TESPA1: variants seen among roughly 807,000 people sequenced by gnomAD.
The protein encoded by TESPA1 is protein TESPA1.
A neutral mutation model predicts 57.9 loss-of-function variants in TESPA1; 33 were observed. The ratio of observed to expected loss-of-function variants is 0.57; its 90% confidence interval spans 0.43 to 0.76. The LOEUF (loss-of-function observed/expected upper bound fraction) is 0.76. Among genes scored for constraint, TESPA1 ranks in the 30% least tolerant of loss-of-function variants. TESPA1 has a pLI of 0.00. For missense variants in TESPA1, 618 were observed against 632.9 expected, an observed-to-expected ratio of 0.98 and a Z score of 0.25; for synonymous variants, 227 against 228.9, an observed-to-expected ratio of 0.99 and a Z score of 0.07.
chr12:54,976,666 A>G (rs1952150589), intron 1 of TESPA1, among the ~76,000 whole-genome samples: 1 of 152,144 alleles, frequency 6.6e-6, no homozygotes, highest in African/African-American at 2.4e-5. Flanking sequence ...GTCAGTGAAA[A>G]CATTATAGCC....
In TESPA1 at chr12:54,962,482, T is replaced by C; in HGVS notation, c.1416A>G (p.Glu472=). The change falls in exon 9 of 11, where the codon GAA becomes GAG. Residue 472 remains glutamate (E), a synonymous_variant. Transcript: ENST00000449076. ...GCTGCTGGCTTAAAGACCGACGCAG[T>C]TCTGGTCTGTCTACACTCTGCTTCC... ...QKWKQSVDRP[E]LRRSLSQQPQ... 6.2e-7 allele frequency: 1 copy of C among 1,612,968 alleles called. No homozygotes were observed. Among genetic ancestry groups the C allele is most frequent in the Non-Finnish European group, 8.5e-7 (1 of 1,179,872 alleles).
chr12:54,962,415 C>A lies in TESPA1; in HGVS notation c.1467+16G>T. The stretch of plus-strand genomic sequence containing the variant: ...CCTTTCTCTGCCAGTCTCTCCCTCA[C>A]CTCCAACCCACTTACCTCCTCCAAG... On this transcript the variant is annotated intron_variant, in intron 9 of 10. Coordinates refer to ENST00000449076, the MANE Select transcript of TESPA1 (RefSeq NM_001136030.3). 2 of 1,606,626 alleles carry A rather than the reference C, an allele frequency of 1.2e-6. No individual in the cohort carries two copies. Among genetic ancestry groups the A allele is most frequent in the Non-Finnish European group, 1.7e-6 (2 of 1,176,172 alleles).
chr12:54,952,038 C>T (rs938833429), intron 10 of TESPA1, among the ~76,000 whole-genome samples: 4 of 152,040 alleles, frequency 2.6e-5, no homozygotes, highest in Non-Finnish European at 4.4e-5. Context: ...AATTTAATTG[C>T]CATCGTGATA....
chr12:54,982,594 G>A (rs1273196879), intron 1 of TESPA1, among the ~76,000 whole-genome samples: 3 of 152,108 alleles, frequency 2.0e-5, no homozygotes, highest in South Asian at 2.1e-4. Context: ...AAAATTAATC[G>A]CTTGTTCTCA....
chr12:54,979,870 A>G (rs1305647747), intron 1 of TESPA1, among the ~76,000 whole-genome samples: 1 of 152,210 alleles, frequency 6.6e-6, no homozygotes, highest in Non-Finnish European at 1.5e-5. Flanking sequence ...GGGCAAGTCA[A>G]AGGTAGGTAG....
intron 3 of TESPA1, among the ~76,000 whole-genome samples, chr12:54,969,174 G>A (rs772571601): frequency 6.6e-6 from 1 of 150,700 alleles, no homozygotes. Context: ...TACATCAAAG[G>A]TTCATTATAA....
Position 54,962,413 on chromosome 12 carries a change from C to T in TESPA1, c.1467+18G>A, listed in dbSNP as rs777480747. On this transcript the variant is annotated intron_variant, in intron 9 of 10. Coordinates refer to ENST00000449076, the MANE Select transcript of TESPA1 (RefSeq NM_001136030.3). ...AGCCTTTCTCTGCCAGTCTCTCCCTCACCTCCAACCCACTTACCTCCTCCA... is the reference window on the plus strand; with the variant it reads ...AGCCTTTCTCTGCCAGTCTCTCCCTTACCTCCAACCCACTTACCTCCTCCA... 2.9e-5 allele frequency: 46 copies of T among 1,603,512 alleles called. No individual in the cohort carries two copies. Among genetic ancestry groups the T allele is most frequent in the Non-Finnish European group, 2.8e-5 (33 of 1,174,158 alleles).
At chr12:54,983,197 G>A (rs895969978) in intron 1 of TESPA1, among the ~76,000 whole-genome samples, 2 of 152,112 alleles carry the variant, frequency 1.3e-5, no homozygotes, top group Non-Finnish European at 2.9e-5. Context: ...ATGCTGAATC[G>A]CAGGGTTCCA....
intron 10 of TESPA1, among the ~76,000 whole-genome samples, chr12:54,951,042 A>T (rs1479606000): frequency 2.0e-5 from 3 of 151,926 alleles, no homozygotes; most frequent in Non-Finnish European, 4.4e-5. Flanking sequence ...ATCTCATCCC[A>T]GTTCTCAGTG....
At chr12:54,957,655 C>T (rs565143555) in intron 10 of TESPA1, among the ~76,000 whole-genome samples, 28 of 152,328 alleles carry the variant, frequency 1.8e-4, no homozygotes, top group South Asian at 1.5e-3. Flanking sequence ...ACTGTGACCC[C>T]TTCCTCAGCC....
intron 4 of TESPA1, 67 bp from the exon 5 acceptor site, chr12:54,967,303 C>A: frequency 6.5e-7 from 1 of 1,537,384 alleles, no homozygotes; most frequent in Non-Finnish European, 8.9e-7. Flanking sequence ...ACATGCACAC[C>A]CCTGCATACA....
chr12:54,961,549 G>T (rs972082480), intron 9 of TESPA1, among the ~76,000 whole-genome samples: 6 of 152,234 alleles, frequency 3.9e-5, no homozygotes, highest in African/African-American at 1.4e-4. Context: ...CTTCATGGAA[G>T]TATCTTCCAT....
chr12:54,954,179 A>G lies in TESPA1; in HGVS notation c.*2-3789T>C, dbSNP rs76669152. Among the ~76,000 whole-genome samples the G allele has an allele frequency of 4.0e-3, 609 of 152,278 alleles. 1 individual carries two copies. Among genetic ancestry groups the G allele is most frequent in the East Asian group, 0.027 (141 of 5,176 alleles). On this transcript the variant is annotated intron_variant, in intron 10 of 10. Transcript: ENST00000449076. ...CAGTAACAGCCTAAACTTCTGCTCA[A>G]TCAGGGCCATATGCTCTGATGGAAA...
In TESPA1 at chr12:54,963,904, G is replaced by A. The variant is rs765529486; in HGVS notation, c.493C>T (p.Leu165Phe). 6.2e-7 allele frequency: 1 copy of A among 1,614,006 alleles called. No individual in the cohort carries two copies. The highest frequency in any genetic ancestry group is 8.5e-7 in the Non-Finnish European group (1 of 1,179,872). Residue 165 changes from leucine (L) to phenylalanine (F), a missense_variant, in exon 8 of 11, where the codon CTC (leucine) becomes TTC (phenylalanine). Leu to Phe is a conservative substitution (Grantham distance 22). Coordinates refer to ENST00000449076, the MANE Select transcript of TESPA1 (RefSeq NM_001136030.3). ...DKVQEDAEDV[L>F]FSLGFGQEDH... ...TCTTGGCCAAAGCCCAGACTGAAGAGGACATCTTCTGCATCTTCTTGCACT... is the reference window on the plus strand; with the variant it reads ...TCTTGGCCAAAGCCCAGACTGAAGAAGACATCTTCTGCATCTTCTTGCACT...
intron 3 of TESPA1, among the ~76,000 whole-genome samples, chr12:54,970,759 G>A (rs1190054992): frequency 6.6e-6 from 1 of 152,184 alleles, no homozygotes; most frequent in Non-Finnish European, 1.5e-5. Flanking sequence ...AAGAGCCAAG[G>A]TATTGCTCTT....
chr12:54,980,860 C>T (rs569235116), intron 1 of TESPA1, among the ~76,000 whole-genome samples: 96 of 152,244 alleles, frequency 6.3e-4, no homozygotes, highest in African/African-American at 2.0e-3. Flanking sequence ...GAGTTTGGGC[C>T]TTGGAATCAG....
In TESPA1 at chr12:54,962,997, G is replaced by A. The variant is rs1951185468; in HGVS notation, c.901C>T (p.Pro301Ser). The A allele has an allele frequency of 1.2e-6, 2 of 1,613,772 alleles. No individual in the cohort carries two copies. The highest frequency in any genetic ancestry group is 1.7e-6 in the Non-Finnish European group (2 of 1,179,832). Residue 301 changes from proline to serine, a missense_variant, in exon 9 of 11, where the codon CCA becomes TCA. Coordinates refer to ENST00000449076, the MANE Select transcript of TESPA1 (RefSeq NM_001136030.3). ...CTTTTGGGGGTGTTGTGGGGTGGTG[G>A]TGGCCGGTCTCGGGGGCATGTGTAC... ...CLYTCPRDRP[P>S]PPHNTPKRNS...
At position 54,967,246 on chromosome 12, in the gene TESPA1, AATC is replaced by A; in HGVS notation, c.257-13_257-11del. ...CCATGGCTGCAGAAGCCTGTCCAAT[AATC>A]AGGTGAGGGTCACAGAAAACCAGGA... is the stretch of plus-strand genomic sequence containing the variant. On this transcript the variant is annotated splice_polypyrimidine_tract_variant and intron_variant, in intron 4 of 10. Coordinates refer to ENST00000449076, the MANE Select transcript of TESPA1 (RefSeq NM_001136030.3). The A allele has an allele frequency of 6.2e-7, 1 of 1,612,094 alleles. No individual in the cohort carries two copies. Among genetic ancestry groups the A allele is most frequent in the Non-Finnish European group, 8.5e-7 (1 of 1,179,352 alleles).
chr12:54,961,633 GTGGAC>G (rs1273231624), intron 9 of TESPA1, among the ~76,000 whole-genome samples: 2 of 152,184 alleles, frequency 1.3e-5, no homozygotes, highest in Admixed American at 6.5e-5. Flanking sequence ...CGAAGAGTTG[GTGGAC>G]TTAGAGAATG....
Sources: allele counts gnomAD v4.1 joint callset (sites outside exome capture counted in the v4.1 genomes callset), GRCh38; gene constraint gnomAD v4.1.1; transcripts MANE v1.5; gene names NCBI Gene and HGNC (gene_info 2026-07-23, HGNC 2026-07-21).